Variants in SAMMSON observed in about 807,000 individuals in gnomAD.
SAMMSON encodes the protein survival associated mitochondrial melanoma specific oncogenic non-coding RNA, also known as long intergenic non-protein coding RNA 1212.
At chr3:70,309,603 T>C (rs1159012892) in intron 7 of SAMMSON, among the ~76,000 whole-genome samples, 1 of 152,190 alleles carries the variant, frequency 6.6e-6, no homozygotes, top group Admixed American at 6.5e-5. Flanking sequence ...CCTGCCTGAT[T>C]CCAAATGCCA....
At chr3:70,316,389 A>G (rs924821912) in intron 7 of SAMMSON, among the ~76,000 whole-genome samples, 20 of 152,138 alleles carry the variant, frequency 1.3e-4, no homozygotes, top group Middle Eastern at 3.2e-3. Flanking sequence ...TCACCAACTC[A>G]GATTACTGAA....
At chr3:70,163,384 T>G (rs2067624267) in intron 4 of SAMMSON, among the ~76,000 whole-genome samples, 2 of 150,476 alleles carry the variant, frequency 1.3e-5, no homozygotes, top group African/African-American at 2.4e-5. Flanking sequence ...GAGTTATCTT[T>G]GGTTGCTCTG....
At chr3:70,405,734 C>T (rs1559582416) in intron 2 of SAMMSON, among the ~76,000 whole-genome samples, 1 of 152,078 alleles carries the variant, frequency 6.6e-6, no homozygotes, top group Non-Finnish European at 1.5e-5. Flanking sequence ...CTGCATGTAG[C>T]TGGACTCCGG....
At chr3:70,052,560 G>A (rs1039305123) in intron 3 of SAMMSON, among the ~76,000 whole-genome samples, 3 of 152,078 alleles carry the variant, frequency 2.0e-5, no homozygotes, top group Non-Finnish European at 2.9e-5. Context: ...TGTGAGATTT[G>A]GGGAATGCCA....
At chr3:70,376,791 A>G (rs1393434351) in intron 9 of SAMMSON, among the ~76,000 whole-genome samples, 1 of 152,162 alleles carries the variant, frequency 6.6e-6, no homozygotes, top group Non-Finnish European at 1.5e-5. Context: ...GAAATGTCAT[A>G]TTGTTAATTT....
At chr3:70,031,378 T>C (rs2067065578) in intron 3 of SAMMSON, among the ~76,000 whole-genome samples, 1 of 151,476 alleles carries the variant, frequency 6.6e-6, no homozygotes, top group African/African-American at 2.4e-5. Flanking sequence ...ATTACCAGGG[T>C]TTGGGGGAGA....
At chr3:70,231,069 A>G (rs888568745) in intron 4 of SAMMSON, among the ~76,000 whole-genome samples, 1 of 152,178 alleles carries the variant, frequency 6.6e-6, no homozygotes, top group African/African-American at 2.4e-5. Context: ...CTTTTCTACC[A>G]TTCCTGACAT....
At chr3:70,135,037 C>G (rs1317362825) in intron 4 of SAMMSON, among the ~76,000 whole-genome samples, 1 of 152,118 alleles carries the variant, frequency 6.6e-6, no homozygotes, top group African/African-American at 2.4e-5. Context: ...ACTAAAGAAT[C>G]ATTTTGAAAT....
intron 3 of SAMMSON, among the ~76,000 whole-genome samples, chr3:70,035,608 A>G (rs931703047): frequency 6.6e-6 from 1 of 152,212 alleles, no homozygotes; most frequent in Admixed American, 6.5e-5. Flanking sequence ...TGACTAGACC[A>G]TCACAGCCTT....
intron 7 of SAMMSON, among the ~76,000 whole-genome samples, chr3:70,320,879 G>T (rs1306609028): frequency 6.6e-6 from 1 of 152,092 alleles, no homozygotes; most frequent in Non-Finnish European, 1.5e-5. Flanking sequence ...GGAAAGCAAA[G>T]TAGGCAACTT....
At chr3:70,182,923 T>C (rs1445609961) in intron 4 of SAMMSON, among the ~76,000 whole-genome samples, 1 of 152,080 alleles carries the variant, frequency 6.6e-6, no homozygotes, top group Admixed American at 6.5e-5. Flanking sequence ...TTTTTGTAAC[T>C]GTATATTAAT....
At chr3:70,137,200 A>T (rs1437781957) in intron 4 of SAMMSON, among the ~76,000 whole-genome samples, 1 of 152,204 alleles carries the variant, frequency 6.6e-6, no homozygotes, top group African/African-American at 2.4e-5. Flanking sequence ...TTTTTTACAA[A>T]TGTAAAATCA....
At chr3:70,123,798 G>T (rs2067444680) in intron 4 of SAMMSON, among the ~76,000 whole-genome samples, 1 of 152,332 alleles carries the variant, frequency 6.6e-6, no homozygotes, top group Non-Finnish European at 1.5e-5. Context: ...AGATGTGTTG[G>T]GGGCAGGGAG....
chr3:70,222,308 C>T (rs891656247), intron 4 of SAMMSON, among the ~76,000 whole-genome samples: 1 of 152,198 alleles, frequency 6.6e-6, no homozygotes, highest in Non-Finnish European at 1.5e-5. Context: ...TTTGGAAGTT[C>T]TTCTGTGTTA....
intron 7 of SAMMSON, among the ~76,000 whole-genome samples, chr3:70,323,267 G>A (rs912512010): frequency 5.3e-5 from 8 of 152,078 alleles, no homozygotes; most frequent in Non-Finnish European, 8.8e-5. Context: ...ATTATGAAAG[G>A]TAAAATGAAT....
intron 3 of SAMMSON, among the ~76,000 whole-genome samples, chr3:70,055,423 T>G (rs2067163229): frequency 6.6e-6 from 1 of 152,170 alleles, no homozygotes; most frequent in African/African-American, 2.4e-5. Flanking sequence ...TTTTAAAAGT[T>G]TATCATAAAT....
intron 9 of SAMMSON, among the ~76,000 whole-genome samples, chr3:70,378,006 A>G (rs1703035637): frequency 6.6e-6 from 1 of 152,016 alleles, no homozygotes; most frequent in Non-Finnish European, 1.5e-5. Context: ...GTTTATTGGT[A>G]TACACGTTAA....
At chr3:70,224,935 G>A (rs1701489816) in intron 4 of SAMMSON, among the ~76,000 whole-genome samples, 1 of 152,142 alleles carries the variant, frequency 6.6e-6, no homozygotes, top group South Asian at 2.1e-4. Context: ...TGGTGAAACA[G>A]ATTCATTAGT....
intron 7 of SAMMSON, among the ~76,000 whole-genome samples, chr3:70,321,548 G>A (rs1181588182): frequency 6.6e-6 from 1 of 151,902 alleles, no homozygotes; most frequent in East Asian, 1.9e-4. Context: ...ATGAACATTT[G>A]TGTATAAGTT....
Sources: gnomAD v4.1 joint callset for allele counts (sites outside exome capture counted in the v4.1 genomes callset) on GRCh38, gnomAD v4.1.1 for gene constraint, MANE v1.5 for transcripts, NCBI Gene and HGNC (gene_info 2026-07-23, HGNC 2026-07-21) for gene names.